Variants in SLC7A2 observed in about 807,000 individuals in gnomAD.
The protein encoded by SLC7A2 is solute carrier family 7 member 2, also known as cationic amino acid transporter 2.
Under a neutral mutation model 58.9 loss-of-function variants are expected in SLC7A2, and 48 were observed. That is an observed-to-expected ratio of 0.82 (90% CI 0.65 to 1.04). SLC7A2 has a LOEUF of 1.04. SLC7A2 is among the 50% of genes least tolerant of loss of function. SLC7A2 has a pLI of 0.00. For missense variants in SLC7A2, 1,029 were observed against 818.8 expected (o/e 1.26, Z -3.13); for synonymous variants, 363 against 314.5 (o/e 1.15, Z -1.63).
rs201678338 is a variant in SLC7A2 at position 17,504,922 on chromosome 8, T to TC, written c.-23+2622dup. Among the ~76,000 whole-genome samples, 542 of 152,270 alleles carry TC rather than the reference T, an allele frequency of 3.6e-3. 3 individuals are homozygous for TC. The highest frequency in any genetic ancestry group is 6.4e-3 in the Non-Finnish European group (432 of 68,010). On this transcript the variant is annotated intron_variant, in intron 2 of 12. Transcript: ENST00000494857. ...CCCTGATACACAGAGAAGGAGCTCC[T>TC]CCTCCTTTACTCCGATCTGCTGGCC...
At chr8:17,514,424 C>T (rs1044884718) in intron 2 of SLC7A2, among the ~76,000 whole-genome samples, 24 of 152,014 alleles carry the variant, frequency 1.6e-4, no homozygotes, top group African/African-American at 4.1e-4. Context: ...TCTTTAAATA[C>T]GTGAGAATAC....
intron 12 of SLC7A2, among the ~76,000 whole-genome samples, chr8:17,564,036 C>A (rs1312997304): frequency 6.6e-6 from 1 of 152,232 alleles, no homozygotes; most frequent in East Asian, 1.9e-4. Flanking sequence ...GCCTACATGT[C>A]TGCAGTGATC....
intron 4 of SLC7A2, among the ~76,000 whole-genome samples, chr8:17,546,756 T>G (rs1259933518): frequency 6.6e-6 from 1 of 152,154 alleles, no homozygotes; most frequent in East Asian, 1.9e-4. Context: ...GCTTTTTTGA[T>G]GGTGGGTGGT....
chr8:17,551,900 C>T lies in SLC7A2; in HGVS notation c.969C>T (p.Ser323=). The T allele has an allele frequency of 6.2e-7, 1 of 1,613,956 alleles. No individual in the cohort carries two copies. The highest frequency in any genetic ancestry group is 8.5e-7 in the Non-Finnish European group (1 of 1,179,996). ...MMPYYLLDEK[S]PLPVAFEYVG... is the part of the protein sequence containing the mutation. Reference sequence around the variant, plus strand: ...CGTACTACCTCCTCGATGAAAAAAGCCCCCTTCCTGTAGCGTTTGAATATG... The same window carrying T: ...CGTACTACCTCCTCGATGAAAAAAGTCCCCTTCCTGTAGCGTTTGAATATG... The change falls in exon 7 of 13, where the codon AGC becomes AGT. Residue 323 remains serine (S), a synonymous_variant. Coordinates refer to ENST00000494857, the MANE Select transcript of SLC7A2 (RefSeq NM_001370338.1).
At chr8:17,511,621 C>G (rs1031752096) in intron 2 of SLC7A2, among the ~76,000 whole-genome samples, 3 of 152,120 alleles carry the variant, frequency 2.0e-5, no homozygotes, top group Non-Finnish European at 4.4e-5. Context: ...TATCGCTAAA[C>G]CATTAAACAT....
intron 10 of SLC7A2, among the ~76,000 whole-genome samples, chr8:17,561,538 C>G (rs537131233): frequency 2.0e-4 from 31 of 152,220 alleles, no homozygotes; most frequent in African/African-American, 6.3e-4. Context: ...GGGGACACAG[C>G]CAACTCATAT....
rs943656665 is a variant in SLC7A2 at position 17,548,937 on chromosome 8, A to T, written c.698+94A>T. On this transcript the variant is annotated intron_variant, in intron 5 of 12. Coordinates refer to ENST00000494857, the MANE Select transcript of SLC7A2 (RefSeq NM_001370338.1). ...TCATTTTTACTCTGCTAATAAAGAC[A>T]TACCCATGACTGGGTAATTTATAAG... The T allele has an allele frequency of 2.9e-6, 3 of 1,038,428 alleles. No individual in the cohort carries two copies. In the African/African-American group the frequency reaches 4.8e-5, roughly 17 times the overall value. 64.3% of individuals were successfully genotyped at this position (1,038,428 alleles called of 1,614,324 possible).
At chr8:17,548,914 A>G in intron 5 of SLC7A2, 71 bp downstream of exon 5, 1 of 1,261,732 alleles carries the variant, frequency 7.9e-7, no homozygotes, top group Non-Finnish European at 1.1e-6. Flanking sequence ...GTATTAGTTC[A>G]TTTTTACTCT....
At chr8:17,513,851 G>T (rs577460043) in intron 2 of SLC7A2, among the ~76,000 whole-genome samples, 8 of 152,174 alleles carry the variant, frequency 5.3e-5, no homozygotes, top group African/African-American at 1.9e-4. Context: ...TTATAGGTAA[G>T]TGGATTACAC....
At chr8:17,531,726 G>T (rs1801458437) in intron 2 of SLC7A2, among the ~76,000 whole-genome samples, 1 of 150,528 alleles carries the variant, frequency 6.6e-6, no homozygotes, top group East Asian at 2.0e-4. Flanking sequence ...TATTTTAAGG[G>T]TTTTTTTTTC....
chr8:17,546,511 G>C (rs914631711), intron 4 of SLC7A2, among the ~76,000 whole-genome samples: 3 of 152,164 alleles, frequency 2.0e-5, no homozygotes, highest in Non-Finnish European at 4.4e-5. Context: ...TCCGGTGGGA[G>C]ATGAGACCTC....
rs149678355 is a variant in SLC7A2, at chr8:17,567,380, A to G, written c.*2234A>G. On this transcript the variant is annotated 3_prime_UTR_variant, in exon 13 of 13. Coordinates refer to ENST00000494857, the MANE Select transcript of SLC7A2 (RefSeq NM_001370338.1). ...AATGTGATAGGCAGCTAAAACTGTT[A>G]TGCCCACTGTGCTCAATTTGAAGCA... 125 of 152,798 alleles carry G rather than the reference A, an allele frequency of 8.2e-4. No individual in the cohort carries two copies. Among genetic ancestry groups the G allele is most frequent in the African/African-American group, 2.9e-3 (122 of 41,600 alleles). 9.5% of individuals were successfully genotyped at this position (152,798 alleles called of 1,614,324 possible). A position where few individuals can be genotyped will look rare whatever the true frequency, so the allele number is the denominator to read the frequency against.
intron 1 of SLC7A2, chr8:17,500,346 A>C (rs570831513): frequency 6.6e-6 from 1 of 152,296 alleles, no homozygotes; most frequent in African/African-American, 2.4e-5. Flanking sequence ...CATTCCTCTT[A>C]TATTTCCCTT....
Position 17,555,030 on chromosome 8 carries a change from G to A in SLC7A2, c.1195+331G>A, listed in dbSNP as rs368585294. The A allele has an allele frequency of 4.3e-5, 70 of 1,613,908 alleles. No homozygotes were observed. Among genetic ancestry groups the A allele is most frequent in the Non-Finnish European group, 5.8e-5 (68 of 1,179,964 alleles). On this transcript the variant is annotated intron_variant, in intron 8 of 12. Transcript: ENST00000494857. ...TACTGTTTAGATTTCTTGCCAGAGT[G>A]AGTAAGAGGCAGTCACCAGTTGCTG...
intron 6 of SLC7A2, among the ~76,000 whole-genome samples, chr8:17,550,978 A>T (rs1802422164): frequency 1.3e-5 from 2 of 152,198 alleles, no homozygotes; most frequent in African/African-American, 4.8e-5. Context: ...TTAGTGTACA[A>T]AGTATACTGT....
At chr8:17,532,997 C>T (rs974810707) in intron 2 of SLC7A2, among the ~76,000 whole-genome samples, 1 of 152,030 alleles carries the variant, frequency 6.6e-6, no homozygotes, top group East Asian at 1.9e-4. Flanking sequence ...TTTTAAGGAC[C>T]TTCAATTTTA....
intron 8 of SLC7A2, among the ~76,000 whole-genome samples, chr8:17,556,295 G>T (rs1045940568): frequency 6.6e-6 from 1 of 151,610 alleles, no homozygotes; most frequent in Non-Finnish European, 1.5e-5. Flanking sequence ...TCTCTTTCCG[G>T]TAAAATACTT....
intron 9 of SLC7A2, among the ~76,000 whole-genome samples, chr8:17,559,233 G>C (rs1179192686): frequency 1.3e-5 from 2 of 152,140 alleles, no homozygotes; most frequent in Admixed American, 1.3e-4. Flanking sequence ...GTCCATTCTC[G>C]TGCTGCTAAT....
intron 8 of SLC7A2, 148 bp downstream of exon 8, chr8:17,554,847 G>T: frequency 6.8e-7 from 1 of 1,463,438 alleles, no homozygotes; most frequent in Admixed American, 2.3e-5. Context: ...TGAATTTTTT[G>T]GTTCTGCATT....
Sources: gnomAD v4.1 joint callset for allele counts (sites outside exome capture counted in the v4.1 genomes callset) on GRCh38, gnomAD v4.1.1 for gene constraint, MANE v1.5 for transcripts, NCBI Gene and HGNC (gene_info 2026-07-23, HGNC 2026-07-21) for gene names.